ZNF100: variants seen among roughly 807,000 people sequenced by gnomAD.
ZNF100 encodes zinc finger protein 100 (Y1).
Under a neutral mutation model 15.8 loss-of-function variants are expected in ZNF100, and 12 were observed. That is an observed-to-expected ratio of 0.76 (90% CI 0.49 to 1.23). The LOEUF is 1.23. Among genes scored for constraint, ZNF100 ranks in the 50% most tolerant of loss-of-function variants. The pLI is 0.00. For missense variants in ZNF100, 670 were observed against 635.6 expected, an observed-to-expected ratio of 1.05 and a Z score of -0.58; for synonymous variants, 226 against 214.8, an observed-to-expected ratio of 1.05 and a Z score of -0.45.
Position 21,727,876 on chromosome 19 carries a change from G to A in ZNF100, c.436C>T (p.Gln146Ter). ...TCATCCACACTTTTACAGCCTTTTT[G>A]TAACTGTAAATTGTCATGTCCATAT... is the stretch of plus-strand genomic sequence containing the variant. ...GKYGHDNLQL[Q>*]KGCKSVDECK... The change falls in exon 5 of 5, where the codon CAA (glutamine) becomes TAA (stop). Residue 146 changes from glutamine (Q) to a stop codon, truncating the protein, a stop_gained. Transcript: ENST00000358296. LOFTEE classifies it low-confidence loss of function (END_TRUNC). 6.2e-7 allele frequency: 1 copy of A among 1,608,074 alleles called. No individual in the cohort carries two copies. Among genetic ancestry groups the A allele is most frequent in the Non-Finnish European group, 8.5e-7 (1 of 1,178,346 alleles).
Position 21,727,853 on chromosome 19 carries a change from ATC to A in ZNF100, c.457_458del (p.Asp153Ter), listed in dbSNP as rs376380479. ...LQLQKGCKSV[D>X]ECKVHKEHDN... The stretch of plus-strand genomic sequence containing the variant: ...CATGTTCTTTGTGCACTTTACACTC[ATC>A]CACACTTTTACAGCCTTTTTGTAAC... On this transcript the variant is annotated frameshift_variant, in exon 5 of 5. Transcript: ENST00000358296. LOFTEE classifies it low-confidence loss of function (END_TRUNC). The A allele has an allele frequency of 3.8e-5, 61 of 1,612,282 alleles. No homozygotes were observed. The African/African-American group carries it at 6.7e-4, about 18-fold the overall frequency.
chr19:21,738,835 C>T (rs2036057503), intron 4 of ZNF100, among the ~76,000 whole-genome samples: 1 of 152,050 alleles, frequency 6.6e-6, no homozygotes, highest in African/African-American at 2.4e-5. Context: ...ATCCCAGCTA[C>T]TTGGGAGGCT....
chr19:21,767,359 A>C, intron 1 of ZNF100, 68 bp downstream of exon 1: 1 of 1,612,674 alleles, frequency 6.2e-7, no homozygotes, highest in South Asian at 1.1e-5. Context: ...GTCCCGCCAC[A>C]GCTACTTCCC....
At chr19:21,754,074 A>G (rs2036353586) in intron 2 of ZNF100, among the ~76,000 whole-genome samples, 1 of 152,194 alleles carries the variant, frequency 6.6e-6, no homozygotes, top group South Asian at 2.1e-4. Context: ...ACTCAAATCT[A>G]ATCCTAGGAA....
At chr19:21,729,967 G>A (rs2035883368) in intron 4 of ZNF100, among the ~76,000 whole-genome samples, 1 of 151,886 alleles carries the variant, frequency 6.6e-6, no homozygotes, top group Non-Finnish European at 1.5e-5. Context: ...AAGAACATGT[G>A]TGTATAGATA....
At chr19:21,745,152 A>C in intron 2 of ZNF100, 85 bp from the exon 3 acceptor site, 1 of 1,527,786 alleles carries the variant, frequency 6.5e-7, no homozygotes, top group Non-Finnish European at 8.8e-7. Context: ...ATGAAATGAC[A>C]GAGCAAAGAG....
chr19:21,733,325 T>TTTTG (rs746748550), intron 4 of ZNF100, among the ~76,000 whole-genome samples: 12,432 of 152,136 alleles, frequency 0.082, 637 homozygotes, highest in South Asian at 0.18. Context: ...TTGGAAAATA[T>TTTTG]AACAACAGAG....
At chr19:21,759,843 C>T (rs2036451473) in intron 2 of ZNF100, among the ~76,000 whole-genome samples, 1 of 152,142 alleles carries the variant, frequency 6.6e-6, no homozygotes, top group African/African-American at 2.4e-5. Flanking sequence ...TAAAAATGGG[C>T]AACCAGCCTA....
chr19:21,735,023 G>A (rs2035983376), intron 4 of ZNF100, among the ~76,000 whole-genome samples: 1 of 152,092 alleles, frequency 6.6e-6, no homozygotes. Flanking sequence ...TCACCACTAG[G>A]CCTGCTTTGC....
At chr19:21,735,595 A>G (rs1029436391) in intron 4 of ZNF100, among the ~76,000 whole-genome samples, 3 of 152,058 alleles carry the variant, frequency 2.0e-5, no homozygotes, top group African/African-American at 7.2e-5. Flanking sequence ...CTCACATGCA[A>G]CGACACACAT....
intron 4 of ZNF100, among the ~76,000 whole-genome samples, chr19:21,734,280 C>G (rs1282022073): frequency 6.6e-6 from 1 of 152,046 alleles, no homozygotes; most frequent in Non-Finnish European, 1.5e-5. Flanking sequence ...GCTAATGAAG[C>G]ATGTTCTAAC....
At chr19:21,750,857 CGCTGACCTATT>C in intron 2 of ZNF100, 1 of 517,952 alleles carries the variant, frequency 1.9e-6, no homozygotes. Context: ...ATGGGGAACA[CGCTGACCTATT>C]GCGTGTCCCC....
chr19:21,751,118 T>G, intron 2 of ZNF100: 1 of 1,428,926 alleles, frequency 7.0e-7, no homozygotes, highest in Non-Finnish European at 9.9e-7. Flanking sequence ...ACAAGTTTCC[T>G]GAGCAAATCT....
chr19:21,749,868 C>A (rs1480194056), intron 2 of ZNF100, among the ~76,000 whole-genome samples: 5 of 150,936 alleles, frequency 3.3e-5, no homozygotes, highest in African/African-American at 1.2e-4. Context: ...CATTCTCAAT[C>A]CAAAGTCTTC....
At chr19:21,757,000 A>T (rs927816744) in intron 2 of ZNF100, among the ~76,000 whole-genome samples, 4 of 152,224 alleles carry the variant, frequency 2.6e-5, no homozygotes, top group African/African-American at 4.8e-5. Context: ...TTCCCTATTT[A>T]ATAAATGGTG....
chr19:21,754,123 T>C (rs2036354561), intron 2 of ZNF100, among the ~76,000 whole-genome samples: 2 of 152,176 alleles, frequency 1.3e-5, no homozygotes, highest in African/African-American at 4.8e-5. Context: ...CCAGGAATAC[T>C]TCCTCTACTA....
chr19:21,757,851 C>G (rs2036415135), intron 2 of ZNF100, among the ~76,000 whole-genome samples: 1 of 152,030 alleles, frequency 6.6e-6, no homozygotes, highest in African/African-American at 2.4e-5. Context: ...GTCTGGGCAG[C>G]ATGGCAAAAC....
In ZNF100 at chr19:21,763,969, A is replaced by T. The variant is rs183718406; in HGVS notation, c.96+1725T>A. Among the ~76,000 whole-genome samples, 138 of 152,310 alleles carry T rather than the reference A, an allele frequency of 9.1e-4. 1 individual carries two copies. Among genetic ancestry groups the T allele is most frequent in the Middle Eastern group, 3.4e-3 (1 of 294 alleles). On this transcript the variant is annotated intron_variant, in intron 2 of 4. Coordinates refer to ENST00000358296, the MANE Select transcript of ZNF100 (RefSeq NM_173531.4). The stretch of plus-strand genomic sequence containing the variant: ...TACAAAGTCTAGAAACTGCCTTAAA[A>T]CAATAACAACTTCATCATCAGCAAG...
chr19:21,752,592 T>G (rs1053139318), intron 2 of ZNF100: 5 of 152,652 alleles, frequency 3.3e-5, no homozygotes, highest in Admixed American at 2.0e-4. Context: ...CTACTTCTAT[T>G]GGGGTCCATG....
Sources: allele counts gnomAD v4.1 joint callset (sites outside exome capture counted in the v4.1 genomes callset), GRCh38; gene constraint gnomAD v4.1.1; transcripts MANE v1.5; gene names NCBI Gene and HGNC (gene_info 2026-07-23, HGNC 2026-07-21).